The following MSI2 variants were observed in gnomAD, a reference collection of about 807,000 sequenced individuals.
The protein encoded by MSI2 is musashi RNA binding protein 2.
A neutral mutation model predicts 45.6 loss-of-function variants in MSI2; 17 were observed. That is an observed-to-expected ratio of 0.37 (90% confidence interval 0.26 to 0.56). The LOEUF (loss-of-function observed/expected upper bound fraction) is 0.56, where lower values mean the gene tolerates loss of function less well. Among genes scored for constraint, MSI2 ranks in the 20% least tolerant of loss-of-function variants. MSI2 has a pLI of 0.77. For synonymous variants in MSI2, 156 were observed against 158.2 expected (o/e 0.99, Z 0.11); for missense variants, 293 against 444.2 (o/e 0.66, Z 3.06).
chr17:57,334,925 A>G (rs1914574730), intron 5 of MSI2, among the ~76,000 whole-genome samples: 1 of 152,152 alleles, frequency 6.6e-6, no homozygotes, highest in African/African-American at 2.4e-5. Context: ...TGGCAATTAA[A>G]GCAGAAAGAC....
chr17:57,435,001 T>A (rs1015302332), intron 6 of MSI2, among the ~76,000 whole-genome samples: 1 of 152,168 alleles, frequency 6.6e-6, no homozygotes, highest in Admixed American at 6.5e-5. Flanking sequence ...AACACTCAGA[T>A]GGCAAGCAAA....
In MSI2 at chr17:57,551,017, A is replaced by C. The variant is rs564157884; in HGVS notation, c.454+21293A>C. 2.0e-5 allele frequency among the ~76,000 whole-genome samples: 3 copies of C among 152,278 alleles called. No homozygotes were observed. The East Asian group carries it at 5.8e-4, about 29-fold the overall frequency. On this transcript the variant is annotated intron_variant, in intron 7 of 13. Coordinates refer to ENST00000284073, the MANE Select transcript of MSI2 (RefSeq NM_138962.4). ...GATGTAATTTGAATTTATTTATTTT[A>C]ATGATTAAAGAGAAAGAATGGTTAT... is the stretch of plus-strand genomic sequence containing the variant.
At chr17:57,672,386 G>A (rs1182971839) in intron 11 of MSI2, among the ~76,000 whole-genome samples, 1 of 152,236 alleles carries the variant, frequency 6.6e-6, no homozygotes, top group Non-Finnish European at 1.5e-5. Flanking sequence ...CCAAGGATGG[G>A]CATAATACCA....
chr17:57,545,997 C>T (rs774274811), intron 7 of MSI2, among the ~76,000 whole-genome samples: 4 of 152,276 alleles, frequency 2.6e-5, no homozygotes, highest in Non-Finnish European at 5.9e-5. Flanking sequence ...CTTATCATCC[C>T]GTCAGGGCTC....
intron 6 of MSI2, among the ~76,000 whole-genome samples, chr17:57,424,049 C>T (rs1380525706): frequency 6.6e-6 from 1 of 152,230 alleles, no homozygotes; most frequent in African/African-American, 2.4e-5. Context: ...CAGGGGCAAT[C>T]ACTGTGATGT....
chr17:57,606,561 G>C (rs1338165139), intron 8 of MSI2, among the ~76,000 whole-genome samples: 1 of 152,044 alleles, frequency 6.6e-6, no homozygotes, highest in Non-Finnish European at 1.5e-5. Context: ...GGTGATATTG[G>C]GGACCAGCTC....
intron 5 of MSI2, among the ~76,000 whole-genome samples, chr17:57,394,960 A>G (rs8072935): frequency 0.82 from 124,881 of 152,270 alleles, 51,852 homozygotes; most frequent in East Asian, 0.97. Context: ...ATAGTCTTTC[A>G]TAGTTCAAGA....
At chr17:57,441,353 C>A (rs77692559) in intron 6 of MSI2, among the ~76,000 whole-genome samples, 2,154 of 152,288 alleles carry the variant, frequency 0.014, 52 homozygotes, top group African/African-American at 0.049. Context: ...TCCTAAATCC[C>A]TTGGGAGGTG....
chr17:57,257,015 T>C, intron 1 of MSI2, 83 bp from the exon 2 acceptor site: 5 of 1,382,684 alleles, frequency 3.6e-6, no homozygotes, highest in Non-Finnish European at 4.9e-6. Context: ...TCCCCCCCGC[T>C]TTCCTTTTAG....
chr17:57,692,543 C>T, the MSI2 span, among the ~76,000 whole-genome samples: 3 of 151,990 alleles, frequency 2.0e-5, no homozygotes, highest in African/African-American at 7.2e-5. Flanking sequence ...TGTGTAAATC[C>T]AAGTTTTCTT....
chr17:57,652,258 A>C lies in MSI2; in HGVS notation c.790+97A>C. 1 of 1,243,554 alleles carries C rather than the reference A, an allele frequency of 8.0e-7. No homozygotes were observed. The highest frequency in any genetic ancestry group is 1.2e-6 in the Non-Finnish European group (1 of 858,200). 77.0% of individuals were successfully genotyped at this position (1,243,554 alleles called of 1,614,324 possible). On this transcript the variant is annotated intron_variant, in intron 11 of 13. Coordinates refer to ENST00000284073, the MANE Select transcript of MSI2 (RefSeq NM_138962.4). This position sits in a 1 kb window ranked among gnomAD's most constrained non-coding sequence, Gnocchi z 4.1. ...GGATCTGTGTGGCTGCATCTGTCCA[A>C]CACCACTCTCACCACAGCCCCGGGG...
At chr17:57,400,086 G>A (rs1164942083) in intron 5 of MSI2, among the ~76,000 whole-genome samples, 2 of 152,210 alleles carry the variant, frequency 1.3e-5, no homozygotes, top group African/African-American at 4.8e-5. Flanking sequence ...CAACAAACTG[G>A]TCAGACCCTC....
At chr17:57,646,617 G>A (rs924267648) in intron 10 of MSI2, among the ~76,000 whole-genome samples, 16 of 152,238 alleles carry the variant, frequency 1.1e-4, no homozygotes, top group African/African-American at 2.9e-4. Flanking sequence ...CAATTGCACA[G>A]CAAAGCAGGG....
intron 6 of MSI2, among the ~76,000 whole-genome samples, chr17:57,428,576 CT>C (rs35537725): frequency 6.6e-6 from 1 of 152,072 alleles, no homozygotes; most frequent in Non-Finnish European, 1.5e-5. Flanking sequence ...GGCTGGGCAT[CT>C]TTTTTTAAAA....
chr17:57,509,600 T>C (rs1244802284), intron 6 of MSI2, among the ~76,000 whole-genome samples: 3 of 152,144 alleles, frequency 2.0e-5, no homozygotes, highest in Non-Finnish European at 2.9e-5. Flanking sequence ...TTTGTATTTT[T>C]AGTAGAGATG....
chr17:57,648,816 C>A (rs1055499185), intron 10 of MSI2, among the ~76,000 whole-genome samples: 1 of 152,180 alleles, frequency 6.6e-6, no homozygotes, highest in Non-Finnish European at 1.5e-5. Context: ...GATAACCCAG[C>A]CCCTGCTTTC....
At chr17:57,606,094 G>A (rs373441892) in intron 8 of MSI2, among the ~76,000 whole-genome samples, 30 of 152,354 alleles carry the variant, frequency 2.0e-4, no homozygotes, top group African/African-American at 6.5e-4. Flanking sequence ...CTACCTGGCC[G>A]ACAGGTGCAG....
At chr17:57,630,464 G>A (rs1909260357) in intron 10 of MSI2, 1 of 152,240 alleles carries the variant, frequency 6.6e-6, no homozygotes, top group Admixed American at 6.5e-5. Context: ...TGGCCAGAAA[G>A]GGGCCACCAG....
intron 11 of MSI2, among the ~76,000 whole-genome samples, chr17:57,664,247 G>A (rs888407151): frequency 1.4e-4 from 21 of 152,186 alleles, no homozygotes; most frequent in African/African-American, 4.8e-4. Context: ...GGCCGGGCAC[G>A]GTGACTCACG....
Sources: gnomAD v4.1 joint callset for allele counts (sites outside exome capture counted in the v4.1 genomes callset) on GRCh38, gnomAD v4.1.1 for gene constraint, Gnocchi (gnomAD v3.1) non-coding constraint, MANE v1.5 for transcripts, NCBI Gene and HGNC (gene_info 2026-07-23, HGNC 2026-07-21) for gene names.